Variants in CCDC73 observed in about 807,000 individuals in gnomAD.
The protein encoded by CCDC73 is coiled-coil domain-containing protein 73.
A neutral mutation model predicts 116.5 loss-of-function variants in CCDC73; 95 were observed. The ratio of observed to expected loss-of-function variants is 0.82; its 90% CI spans 0.69 to 0.97. The LOEUF (loss-of-function observed/expected upper bound fraction) is 0.97. CCDC73 is among the 50% of genes least tolerant of loss of function. CCDC73 has a pLI of 0.00. For synonymous variants in CCDC73, 398 were observed against 401.3 expected (o/e 0.99, Z 0.10); for missense variants, 1,066 against 1,206.8 (o/e 0.88, Z 1.73).
At chr11:32,818,135 C>A in the CCDC73 span, among the ~76,000 whole-genome samples, 6 of 152,244 alleles carry the variant, frequency 3.9e-5, no homozygotes, top group Non-Finnish European at 5.9e-5. Flanking sequence ...TCCTCTGTTG[C>A]ACTTTCCGCA....
intron 7 of CCDC73, among the ~76,000 whole-genome samples, chr11:32,679,036 A>G (rs1444106344): frequency 6.6e-6 from 1 of 152,168 alleles, no homozygotes; most frequent in Non-Finnish European, 1.5e-5. Flanking sequence ...GATTTTAAAC[A>G]TGATATATTA....
intron 7 of CCDC73, chr11:32,682,642 C>T (rs1856157917): frequency 6.6e-6 from 1 of 151,852 alleles, no homozygotes; most frequent in African/African-American, 2.4e-5. Flanking sequence ...AGCATAGCCC[C>T]ACCCAAAAAG....
At chr11:32,734,061 T>G (rs142007695) in intron 2 of CCDC73, among the ~76,000 whole-genome samples, 2 of 152,090 alleles carry the variant, frequency 1.3e-5, no homozygotes, top group Non-Finnish European at 2.9e-5. Context: ...AAGAATCAAA[T>G]AGTCGCAATA....
intron 6 of CCDC73, among the ~76,000 whole-genome samples, chr11:32,684,556 T>C (rs183090056): frequency 5.9e-5 from 9 of 152,376 alleles, no homozygotes; most frequent in Admixed American, 5.9e-4. Flanking sequence ...CTCATGTTTA[T>C]AGGTTTACTG....
intron 2 of CCDC73, among the ~76,000 whole-genome samples, chr11:32,747,918 C>T (rs1301614823): frequency 6.6e-6 from 1 of 152,236 alleles, no homozygotes; most frequent in African/African-American, 2.4e-5. Flanking sequence ...AGGCGACACC[C>T]CGCTCTGCTT....
intron 9 of CCDC73, among the ~76,000 whole-genome samples, chr11:32,663,718 T>C (rs1045682978): frequency 6.6e-6 from 1 of 152,216 alleles, no homozygotes; most frequent in African/African-American, 2.4e-5. Context: ...AACACTATGT[T>C]GAATAGGAGT....
chr11:32,646,520 CA>C (rs1305295224), intron 12 of CCDC73, among the ~76,000 whole-genome samples: 3 of 152,174 alleles, frequency 2.0e-5, no homozygotes, highest in African/African-American at 7.2e-5. Context: ...AATTTTTTCC[CA>C]ACATCTGAAG....
intron 2 of CCDC73, among the ~76,000 whole-genome samples, chr11:32,754,498 C>G (rs928642646): frequency 6.6e-6 from 1 of 152,126 alleles, no homozygotes; most frequent in Non-Finnish European, 1.5e-5. Context: ...AAAAAAACCA[C>G]AGCTGAAGTT....
chr11:32,641,846 C>T, intron 13 of CCDC73, 126 bp downstream of exon 13: 2 of 746,548 alleles, frequency 2.7e-6, no homozygotes, highest in Non-Finnish European at 3.7e-6. Flanking sequence ...AATATGAGAC[C>T]AAGAAAAAAA....
At chr11:32,695,811 CGTTTAA>C (rs1447585888) in intron 6 of CCDC73, among the ~76,000 whole-genome samples, 1 of 143,434 alleles carries the variant, frequency 7.0e-6, no homozygotes, top group Non-Finnish European at 1.5e-5. Context: ...CTGAAGTAAG[CGTTTAA>C]GTTTTTTTTT....
intron 6 of CCDC73, among the ~76,000 whole-genome samples, chr11:32,688,426 G>C (rs79692920): frequency 2.1e-3 from 323 of 152,304 alleles, no homozygotes; most frequent in Non-Finnish European, 3.9e-3. Context: ...CTTCCAGACT[G>C]AAAGAGATTA....
chr11:32,801,417 C>T, the CCDC73 span, among the ~76,000 whole-genome samples: 1 of 152,068 alleles, frequency 6.6e-6, no homozygotes, highest in African/African-American at 2.4e-5. Context: ...CCAAGGCGGG[C>T]AGATCATGAG....
At chr11:32,726,157 G>GT (rs1310502900) in intron 2 of CCDC73, among the ~76,000 whole-genome samples, 1 of 152,144 alleles carries the variant, frequency 6.6e-6, no homozygotes, top group East Asian at 1.9e-4. Flanking sequence ...CACAAAGTCA[G>GT]TCACTGAATC....
intron 2 of CCDC73, among the ~76,000 whole-genome samples, chr11:32,744,145 T>C (rs1433609360): frequency 6.6e-6 from 1 of 152,242 alleles, no homozygotes; most frequent in South Asian, 2.1e-4. Flanking sequence ...CAAAGGCCTT[T>C]TCTGCATCTC....
At chr11:32,632,605 T>C (rs1855641789) in intron 14 of CCDC73, among the ~76,000 whole-genome samples, 1 of 150,782 alleles carries the variant, frequency 6.6e-6, no homozygotes, top group Admixed American at 6.6e-5. Flanking sequence ...TTACAGATTG[T>C]GTGTGTGTGT....
chr11:32,710,445 A>G (rs111711354), intron 3 of CCDC73, among the ~76,000 whole-genome samples: 6 of 152,192 alleles, frequency 3.9e-5, no homozygotes, highest in African/African-American at 7.2e-5. Context: ...TGTTGACCCA[A>G]TGATCATTCA....
chr11:32,658,782 A>G (rs201846), intron 9 of CCDC73, among the ~76,000 whole-genome samples: 110,759 of 151,942 alleles, frequency 0.73, 41,249 homozygotes, highest in African/African-American at 0.78. Flanking sequence ...ACATTCTAAA[A>G]AAAAATATAA....
At chr11:32,683,618 A>C in intron 6 of CCDC73, 44 bp from the exon 7 acceptor site, 1 of 1,138,602 alleles carries the variant, frequency 8.8e-7, no homozygotes, top group Non-Finnish European at 1.3e-6. Context: ...TACTTTAATT[A>C]TCTACACAAA....
the CCDC73 span, among the ~76,000 whole-genome samples, chr11:32,821,946 G>A: frequency 6.6e-6 from 1 of 152,136 alleles, no homozygotes; most frequent in Non-Finnish European, 1.5e-5. Flanking sequence ...GGACAGGATG[G>A]GCAACGGCAG....
Sources: gnomAD v4.1 joint callset for allele counts (sites outside exome capture counted in the v4.1 genomes callset) on GRCh38, gnomAD v4.1.1 for gene constraint, MANE v1.5 for transcripts, NCBI Gene and HGNC (gene_info 2026-07-23, HGNC 2026-07-21) for gene names.